SOX6: variants seen among roughly 807,000 people sequenced by gnomAD.
The protein encoded by SOX6 is transcription factor SOX-6.
A neutral mutation model predicts 97.8 loss-of-function variants in SOX6; 11 were observed. That is an observed-to-expected ratio of 0.11 (90% CI 0.07 to 0.19). The LOEUF (loss-of-function observed/expected upper bound fraction) is 0.19. Ranked by LOEUF, SOX6 falls within the 10% of genes least tolerant of loss-of-function variation. The pLI is 1.00. For synonymous variants in SOX6, 360 were observed against 371.4 expected, an observed-to-expected ratio of 0.97 and a Z score of 0.35; for missense variants, 810 against 1,039.5, an observed-to-expected ratio of 0.78 and a Z score of 3.04.
intron 4 of SOX6, among the ~76,000 whole-genome samples, chr11:16,594,244 TGC>T (rs1848185188): frequency 6.6e-6 from 1 of 152,112 alleles, no homozygotes; most frequent in East Asian, 1.9e-4. Context: ...TGTTACAAAA[TGC>T]CATACAATTT....
Position 16,613,479 on chromosome 11 carries a change from T to C in SOX6, n.430-1219A>G, listed in dbSNP as rs1335734633. The stretch of plus-strand genomic sequence containing the variant: ...CTCTGAGACATCTCTCGGTGCAGAG[T>C]GGTTCCGAAGCCCCAGCCCGCTGGG... On this transcript the variant is annotated intron_variant and non_coding_transcript_variant, in intron 3 of 5. Transcript: ENST00000524520. This position sits in a 1 kb window ranked among gnomAD's most constrained non-coding sequence, Gnocchi z 4.6. 6.6e-6 allele frequency among the ~76,000 whole-genome samples: 1 copy of C among 151,348 alleles called. No individual in the cohort carries two copies. The highest frequency in any genetic ancestry group is 2.1e-4 in the South Asian group (1 of 4,774).
chr11:16,068,859 C>A (rs1841991489), intron 9 of SOX6, among the ~76,000 whole-genome samples: 1 of 152,110 alleles, frequency 6.6e-6, no homozygotes, highest in African/African-American at 2.4e-5. Context: ...TTTCTTTTTT[C>A]TTCCCATATT....
chr11:16,550,854 A>C (rs1011168315), intron 4 of SOX6, among the ~76,000 whole-genome samples: 4 of 152,224 alleles, frequency 2.6e-5, no homozygotes, highest in Non-Finnish European at 4.4e-5. Flanking sequence ...CTATTTAAAC[A>C]ACAGTGGAGC....
rs749071830 is a variant in SOX6, at chr11:15,970,562, T to A, written c.*2247A>T. 1 of 152,586 alleles carries A rather than the reference T, an allele frequency of 6.6e-6. No homozygotes were observed. Among genetic ancestry groups the A allele is most frequent in the South Asian group, 2.1e-4 (1 of 4,830 alleles). 9.5% of individuals were successfully genotyped at this position (152,586 alleles called of 1,614,324 possible). A position where few individuals can be genotyped will look rare whatever the true frequency, so the allele number is the denominator to read the frequency against. ...TAAGACAATAATAAATACTCATTTTTTGAGAGAAAAAATGACCTCCTCCTC... is the reference window on the plus strand; with the variant it reads ...TAAGACAATAATAAATACTCATTTTATGAGAGAAAAAATGACCTCCTCCTC... On this transcript the variant is annotated 3_prime_UTR_variant, in exon 16 of 16. Coordinates refer to ENST00000683767, the MANE Select transcript of SOX6 (RefSeq NM_001367873.1).
chr11:16,636,838 T>C (rs1848797403), intron 3 of SOX6, among the ~76,000 whole-genome samples: 1 of 152,158 alleles, frequency 6.6e-6, no homozygotes, highest in African/African-American at 2.4e-5. Context: ...GCTGCTGCCA[T>C]GTGAAGAAGG....
intron 3 of SOX6, among the ~76,000 whole-genome samples, chr11:16,260,623 A>G (rs980004621): frequency 2.6e-5 from 4 of 152,182 alleles, no homozygotes; most frequent in South Asian, 2.1e-4. Flanking sequence ...TAAAAGGGAC[A>G]CACTGTCTAC....
intron 9 of SOX6, among the ~76,000 whole-genome samples, chr11:16,059,881 G>A (rs1056414975): frequency 4.6e-5 from 7 of 151,472 alleles, no homozygotes; most frequent in African/African-American, 1.7e-4. Flanking sequence ...CTTGGATTAA[G>A]GCAGTGAAAA....
At chr11:16,539,372 C>T (rs11489839) in intron 4 of SOX6, among the ~76,000 whole-genome samples, 2 of 151,862 alleles carry the variant, frequency 1.3e-5, no homozygotes, top group Non-Finnish European at 2.9e-5. Flanking sequence ...AAGCAGGAAA[C>T]ATCTAAAATC....
chr11:16,017,991 T>C (rs1303699117), intron 12 of SOX6, among the ~76,000 whole-genome samples: 1 of 152,108 alleles, frequency 6.6e-6, no homozygotes, highest in East Asian at 1.9e-4. Flanking sequence ...GCATTGTCAG[T>C]CACAAACATG....
intron 1 of SOX6, among the ~76,000 whole-genome samples, chr11:16,373,950 G>T (rs1044771635): frequency 3.3e-5 from 5 of 151,518 alleles, no homozygotes; most frequent in Admixed American, 6.6e-5. Context: ...AAGAAGGAAG[G>T]AAGCTAACTT....
chr11:16,132,500 G>GC lies in SOX6; in HGVS notation c.778-20578_778-20577insG, dbSNP rs1179076095. On this transcript the variant is annotated intron_variant, in intron 6 of 15. Transcript: ENST00000683767. The stretch of plus-strand genomic sequence containing the variant: ...AGAAAGAAAGAAAGAAAGAAAGAAA[G>GC]AAAGAAAGCTTATCTTTGTATCTAG... Among the ~76,000 whole-genome samples, 1,380 of 147,148 alleles carry GC rather than the reference G, an allele frequency of 9.4e-3. 101 individuals carry two copies. The highest frequency in any genetic ancestry group is 0.016 in the South Asian group (75 of 4,666).
chr11:16,393,127 G>A (rs980745582), intron 1 of SOX6, among the ~76,000 whole-genome samples: 6 of 151,992 alleles, frequency 3.9e-5, no homozygotes, highest in South Asian at 2.1e-4. Context: ...TGAGTCTAGC[G>A]CTCCACAGTT....
chr11:16,264,197 C>T (rs1408936172), intron 3 of SOX6, among the ~76,000 whole-genome samples: 2 of 151,930 alleles, frequency 1.3e-5, no homozygotes, highest in African/African-American at 4.8e-5. Context: ...CCAACCCCAT[C>T]TTTTCTACTC....
chr11:16,668,454 C>T (rs1039709166), intron 3 of SOX6, among the ~76,000 whole-genome samples: 6 of 151,998 alleles, frequency 3.9e-5, no homozygotes, highest in Admixed American at 2.6e-4. Flanking sequence ...GAGAAAATCA[C>T]CTTCACTAAA....
intron 12 of SOX6, among the ~76,000 whole-genome samples, chr11:16,041,303 A>T (rs1404044156): frequency 6.6e-6 from 1 of 152,142 alleles, no homozygotes; most frequent in African/African-American, 2.4e-5. Context: ...TCATGCAATA[A>T]TGAATACCTG....
At chr11:16,415,246 TA>T (rs1247825725) in intron 1 of SOX6, among the ~76,000 whole-genome samples, 1 of 151,704 alleles carries the variant, frequency 6.6e-6, no homozygotes, top group Non-Finnish European at 1.5e-5. Context: ...TTACCAAAAA[TA>T]AAATATAACT....
intron 1 of SOX6, among the ~76,000 whole-genome samples, chr11:16,446,325 C>G (rs534144572): frequency 7.3e-4 from 111 of 151,854 alleles, no homozygotes; most frequent in African/African-American, 2.7e-3. Context: ...TAGAAATAGC[C>G]TACTATTAAA....
chr11:16,725,116 C>A (rs1037783360), intron 2 of SOX6, among the ~76,000 whole-genome samples: 4 of 152,140 alleles, frequency 2.6e-5, no homozygotes, highest in Non-Finnish European at 5.9e-5. Context: ...AACCCAAATG[C>A]CTATAACTGA....
chr11:16,073,314 AC>A (rs1416394719), intron 9 of SOX6, among the ~76,000 whole-genome samples: 2 of 152,070 alleles, frequency 1.3e-5, no homozygotes, highest in Non-Finnish European at 2.9e-5. Flanking sequence ...AGAAAAAAAA[AC>A]ATACTTTAAA....
Sources: gnomAD v4.1 joint callset for allele counts (sites outside exome capture counted in the v4.1 genomes callset) on GRCh38, gnomAD v4.1.1 for gene constraint, Gnocchi (gnomAD v3.1) non-coding constraint, MANE v1.5 for transcripts, NCBI Gene and HGNC (gene_info 2026-07-23, HGNC 2026-07-21) for gene names.